The following PREX1 variants were observed in gnomAD, a reference collection of about 807,000 sequenced individuals.
PREX1 encodes phosphatidylinositol-3,4,5-trisphosphate dependent Rac exchange factor 1.
A neutral mutation model predicts 198.3 loss-of-function variants in PREX1; 41 were observed. The ratio of observed to expected loss-of-function variants is 0.21; its 90% CI spans 0.16 to 0.27. The LOEUF (loss-of-function observed/expected upper bound fraction) is 0.27. Among genes scored for constraint, PREX1 ranks in the 10% least tolerant of loss-of-function variants. PREX1 has a pLI of 1.00. For missense variants in PREX1, 1,620 were observed against 2,200.7 expected (o/e 0.74, Z 5.28); for synonymous variants, 843 against 887.2 (o/e 0.95, Z 0.89).
At chr20:48,645,078 G>C (rs1250123063) in intron 26 of PREX1, among the ~76,000 whole-genome samples, 1 of 152,258 alleles carries the variant, frequency 6.6e-6, no homozygotes, top group African/African-American at 2.4e-5. Context: ...GGGGCACAAA[G>C]TGCCGCAGCA....
intron 1 of PREX1, among the ~76,000 whole-genome samples, chr20:48,763,115 T>C (rs776583205): frequency 7.9e-5 from 12 of 152,268 alleles, no homozygotes; most frequent in Non-Finnish European, 1.2e-4. Flanking sequence ...GTAAACTGTA[T>C]GGTGGTACGT....
chr20:48,696,671 CCCCT>C (rs1473825859), intron 7 of PREX1, among the ~76,000 whole-genome samples: 2 of 151,660 alleles, frequency 1.3e-5, no homozygotes, highest in Non-Finnish European at 2.9e-5. Context: ...GTACACAAAC[CCCCT>C]CCTAGAGTAT....
At chr20:48,850,274 G>A in the PREX1 span, among the ~76,000 whole-genome samples, 1 of 152,194 alleles carries the variant, frequency 6.6e-6, no homozygotes, top group East Asian at 1.9e-4. Context: ...GTGACCCGGG[G>A]CAAGCGGAGG....
the PREX1 span, among the ~76,000 whole-genome samples, chr20:48,884,339 A>G: frequency 6.6e-6 from 1 of 152,224 alleles, no homozygotes; most frequent in East Asian, 1.9e-4. Context: ...GGATAGACAG[A>G]TAAGTCAATG....
intron 16 of PREX1, among the ~76,000 whole-genome samples, 167 bp from the exon 17 acceptor site, chr20:48,658,395 G>C (rs2089562304): frequency 6.6e-6 from 1 of 152,266 alleles, no homozygotes; most frequent in African/African-American, 2.4e-5. Flanking sequence ...GGCAGAGCCA[G>C]TGCTCACTCT....
intron 1 of PREX1, among the ~76,000 whole-genome samples, chr20:48,818,538 CAA>C (rs1463566735): frequency 3.3e-5 from 5 of 152,200 alleles, no homozygotes; most frequent in African/African-American, 1.2e-4. Context: ...AGGGCGAGAT[CAA>C]AAGAGTCAAC....
chr20:48,829,695 C>T (rs1208910250), upstream of PREX1, among the ~76,000 whole-genome samples: 1 of 152,130 alleles, frequency 6.6e-6, no homozygotes, highest in Admixed American at 6.5e-5. Flanking sequence ...AAACTGTTCA[C>T]GGTACCTTTC....
At chr20:48,726,060 G>T (rs924930473) in intron 5 of PREX1, among the ~76,000 whole-genome samples, 17 of 152,156 alleles carry the variant, frequency 1.1e-4, no homozygotes, top group African/African-American at 3.9e-4. Flanking sequence ...CCTTAAACTT[G>T]AGAGGATGTG....
rs1193272734 is a variant in PREX1, at chr20:48,806,718, T to C, written c.219+20924A>G. On this transcript the variant is annotated intron_variant, in intron 1 of 39. Coordinates refer to ENST00000371941, the MANE Select transcript of PREX1 (RefSeq NM_020820.4). ...GCCTCTCAGACTTTGGGCTTTCAGA[T>C]TGGTAAGTTCCCTGACAAGGGAGCA... is the stretch of plus-strand genomic sequence containing the variant. 2.6e-5 allele frequency among the ~76,000 whole-genome samples: 4 copies of C among 152,190 alleles called. No homozygotes were observed. In the South Asian group the frequency reaches 6.2e-4, roughly 24 times the overall value.
chr20:48,866,885 C>T, the PREX1 span, among the ~76,000 whole-genome samples: 2 of 152,010 alleles, frequency 1.3e-5, no homozygotes, highest in African/African-American at 4.8e-5. Context: ...GCCGAGATCA[C>T]CCCACTGCAC....
At chr20:48,835,782 C>T in the PREX1 span, among the ~76,000 whole-genome samples, 1 of 152,170 alleles carries the variant, frequency 6.6e-6, no homozygotes, top group Non-Finnish European at 1.5e-5. Flanking sequence ...AGAGCTATGA[C>T]CTAACTTAGG....
intron 39 of PREX1, 40 bp from the exon 40 acceptor site, chr20:48,625,967 G>T: frequency 1.3e-6 from 2 of 1,497,106 alleles, no homozygotes; most frequent in Non-Finnish European, 1.8e-6. Context: ...AGGCCGGGGC[G>T]GGCCAGGACC....
At chr20:48,829,192 C>T (rs1050546557), upstream of PREX1, among the ~76,000 whole-genome samples, 2 of 152,136 alleles carry the variant, frequency 1.3e-5, no homozygotes, top group Non-Finnish European at 2.9e-5. Context: ...AATGTTTGTT[C>T]TTACTATTAT....
chr20:48,719,344 G>C (rs917294876), intron 5 of PREX1, among the ~76,000 whole-genome samples: 5 of 152,168 alleles, frequency 3.3e-5, no homozygotes, highest in Admixed American at 6.5e-5. Context: ...CCCGAGGTTA[G>C]TGCTCACCAC....
intron 3 of PREX1, 138 bp from the exon 4 acceptor site, chr20:48,734,788 A>G: frequency 1.5e-6 from 1 of 651,206 alleles, no homozygotes; most frequent in Non-Finnish European, 2.7e-6. Flanking sequence ...GAGGTATCTC[A>G]GGTAAAGCGG....
chr20:48,748,247 C>CA (rs1485776140), intron 1 of PREX1, among the ~76,000 whole-genome samples: 1 of 152,072 alleles, frequency 6.6e-6, no homozygotes, highest in Admixed American at 6.5e-5. Flanking sequence ...TTTCCCCTTT[C>CA]AATTTTTTTT....
the PREX1 span, among the ~76,000 whole-genome samples, chr20:48,840,947 C>T: frequency 7.2e-6 from 1 of 139,354 alleles, no homozygotes; most frequent in African/African-American, 2.7e-5. Context: ...CCTCAGCCTC[C>T]CAAGTAGCTA....
chr20:48,798,958 G>A (rs112132641), intron 1 of PREX1, among the ~76,000 whole-genome samples: 6,681 of 152,192 alleles, frequency 0.044, 176 homozygotes, highest in African/African-American at 0.053. Flanking sequence ...GTGCAATGGC[G>A]AGATCTCGGC....
Position 48,797,247 on chromosome 20 carries a change from T to A in PREX1, c.219+30395A>T, listed in dbSNP as rs571446957. Among the ~76,000 whole-genome samples, 269 of 151,638 alleles carry A rather than the reference T, an allele frequency of 1.8e-3. 4 individuals are homozygous for A. The highest frequency in any genetic ancestry group is 6.9e-3 in the Middle Eastern group (2 of 290). On this transcript the variant is annotated intron_variant, in intron 1 of 39. Coordinates refer to ENST00000371941, the MANE Select transcript of PREX1 (RefSeq NM_020820.4). ...TAGGGTCCAGCCCCGCACCACAACT[T>A]CCCCAGAAAAAAGCCAAATGGGAAT...
Sources: allele counts gnomAD v4.1 joint callset (sites outside exome capture counted in the v4.1 genomes callset), GRCh38; gene constraint gnomAD v4.1.1; transcripts MANE v1.5; gene names NCBI Gene and HGNC (gene_info 2026-07-23, HGNC 2026-07-21).